Variants in RNF111 observed in about 807,000 individuals in gnomAD.
RNF111 encodes the protein ring finger protein 111, also known as E3 ubiquitin-protein ligase Arkadia.
In RNF111, 17 loss-of-function variants were observed where a neutral mutation model predicts 95.1. The ratio of observed to expected loss-of-function variants is 0.18; its 90% CI spans 0.12 to 0.27. The LOEUF is 0.27. Ranked by LOEUF, RNF111 falls within the 10% of genes least tolerant of loss-of-function variation. The pLI is 1.00. For synonymous variants in RNF111, 440 were observed against 414.8 expected (o/e 1.06, Z -0.74); for missense variants, 1,189 against 1,210.4 (o/e 0.98, Z 0.26).
intron 10 of RNF111, among the ~76,000 whole-genome samples, 191 bp from the exon 11 acceptor site, chr15:59,089,476 A>C (rs2078989115): frequency 6.6e-6 from 1 of 152,180 alleles, no homozygotes; most frequent in East Asian, 1.9e-4. Context: ...CATTTTGGAG[A>C]GTTAGGTTAT....
chr15:59,085,121 A>G (rs1346630484), intron 9 of RNF111, among the ~76,000 whole-genome samples: 3 of 152,318 alleles, frequency 2.0e-5, no homozygotes, highest in African/African-American at 4.8e-5. Flanking sequence ...TTGAACCACA[A>G]TGACTTTTGA....
intron 1 of RNF111, chr15:58,988,316 T>C (rs2141326522): frequency 6.6e-6 from 1 of 152,348 alleles, no homozygotes; most frequent in South Asian, 2.1e-4. Context: ...GTGAGGGGAT[T>C]TCTCTCCCAC....
At chr15:59,027,210 G>A (rs2040658678) in intron 1 of RNF111, among the ~76,000 whole-genome samples, 1 of 152,038 alleles carries the variant, frequency 6.6e-6, no homozygotes, top group South Asian at 2.1e-4. Context: ...TAAATCTTCA[G>A]CCCATAAAGA....
chr15:59,055,649 A>G (rs374668534), intron 3 of RNF111, 33 bp from the exon 4 acceptor site: 56 of 1,463,768 alleles, frequency 3.8e-5, no homozygotes, highest in Middle Eastern at 2.2e-4. Flanking sequence ...TTCTTTATTT[A>G]TATTTACTAA....
At chr15:58,988,441 C>T (rs1160683115) in intron 1 of RNF111, 2 of 152,512 alleles carry the variant, frequency 1.3e-5, no homozygotes, top group African/African-American at 4.8e-5. Context: ...GGCGCTAAGT[C>T]AGCCCTGACG....
chr15:59,023,465 T>C (rs2040446784), intron 1 of RNF111, among the ~76,000 whole-genome samples: 1 of 152,214 alleles, frequency 6.6e-6, no homozygotes, highest in African/African-American at 2.4e-5. Flanking sequence ...TTTGTTATTC[T>C]GTAGTATTTT....
intron 1 of RNF111, among the ~76,000 whole-genome samples, chr15:59,008,674 G>A (rs889250498): frequency 2.0e-5 from 3 of 152,148 alleles, no homozygotes; most frequent in Non-Finnish European, 4.4e-5. Flanking sequence ...AAATCTGTCA[G>A]TTTGCTGTTT....
intron 1 of RNF111, among the ~76,000 whole-genome samples, chr15:58,991,645 G>A (rs1006247423): frequency 1.3e-5 from 2 of 152,198 alleles, no homozygotes; most frequent in African/African-American, 2.4e-5. Context: ...CCATAGTGAC[G>A]ATTTGGAGGA....
Position 59,031,668 on chromosome 15 carries a change from T to C in RNF111, c.846T>C (p.Ser282=). The C allele has an allele frequency of 6.2e-7, 1 of 1,614,038 alleles. No individual in the cohort carries two copies. The highest frequency in any genetic ancestry group is 8.5e-7 in the Non-Finnish European group (1 of 1,179,992). Residue 282 remains serine (S), a synonymous_variant, in exon 2 of 14, where the codon AGT becomes AGC. Coordinates refer to ENST00000348370, the MANE Select transcript of RNF111 (RefSeq NM_017610.8). ...EGEEDLFVSA[S]ENHQNNPAVP... is the part of the protein sequence containing the mutation. ...AAGAAGATTTGTTTGTTTCTGCCAGTGAAAACCACCAAAACAATCCAGCTG... is the reference window on the plus strand; with the variant it reads ...AAGAAGATTTGTTTGTTTCTGCCAGCGAAAACCACCAAAACAATCCAGCTG...
Position 59,092,561 on chromosome 15 carries a change from G to A in RNF111, c.2764G>A (p.Gly922Arg). Residue 922 changes from glycine to arginine, a missense_variant, in exon 13 of 14, where the codon GGG becomes AGG. This residue lies in a region of RNF111 where 165 missense variants were observed against 284.6 expected (regional missense o/e 0.58). Transcript: ENST00000348370. ...KKRKLHCKQDGEEGTEEDTEE... is the reference protein window; with the variant it reads ...KKRKLHCKQDREEGTEEDTEE... ...GAGGAAACTGCACTGCAAACAAGAT[G>A]GGGAAGAAGGGACTGAGGAAGACAC... 6.2e-7 allele frequency: 1 copy of A among 1,612,742 alleles called. No homozygotes were observed. The highest frequency in any genetic ancestry group is 8.5e-7 in the Non-Finnish European group (1 of 1,179,022).
At position 59,086,096 on chromosome 15, in the gene RNF111, G is replaced by A. The variant is rs373815694; in HGVS notation, c.2550+311G>A. ...TTTTGCCGTAAGTGGTAATAGATCC[G>A]TTCTGATGCAGTCATACTTGATTTT... is the stretch of plus-strand genomic sequence containing the variant. On this transcript the variant is annotated intron_variant, in intron 10 of 13. Transcript: ENST00000348370. Among the ~76,000 whole-genome samples, 46 of 151,956 alleles carry A rather than the reference G, an allele frequency of 3.0e-4. 1 individual carries two copies. In the South Asian group the frequency reaches 9.1e-3, roughly 30 times the overall value.
chr15:59,075,541 T>A (rs2043127393), intron 6 of RNF111, among the ~76,000 whole-genome samples: 1 of 152,242 alleles, frequency 6.6e-6, no homozygotes, highest in African/African-American at 2.4e-5. Flanking sequence ...ATATTTTCAG[T>A]AGTGTGATAG....
At chr15:59,089,077 A>G (rs1182358427) in intron 10 of RNF111, among the ~76,000 whole-genome samples, 1 of 152,170 alleles carries the variant, frequency 6.6e-6, no homozygotes, top group Non-Finnish European at 1.5e-5. Flanking sequence ...ATGTTGGGCA[A>G]CTGCAATTTT....
At chr15:59,062,130 A>G (rs2042467266) in intron 5 of RNF111, among the ~76,000 whole-genome samples, 1 of 140,410 alleles carries the variant, frequency 7.1e-6, no homozygotes, top group African/African-American at 2.7e-5. Flanking sequence ...TGCAGCCTCC[A>G]CTTCCAGGCT....
At chr15:59,067,168 TC>T in intron 6 of RNF111, 85 bp downstream of exon 6, 2 of 1,102,920 alleles carry the variant, frequency 1.8e-6, no homozygotes, top group Non-Finnish European at 2.6e-6. Flanking sequence ...CTCTTCCTCT[TC>T]CTTCATTCCT....
intron 2 of RNF111, among the ~76,000 whole-genome samples, chr15:59,042,374 G>A (rs188724305): frequency 6.2e-4 from 94 of 152,112 alleles, no homozygotes; most frequent in African/African-American, 2.0e-3. Context: ...TGATCCACCC[G>A]CTCGGCCTCA....
chr15:59,043,063 A>G (rs2041541510), intron 2 of RNF111, among the ~76,000 whole-genome samples: 1 of 151,820 alleles, frequency 6.6e-6, no homozygotes, highest in Non-Finnish European at 1.5e-5. Flanking sequence ...AGAGCGTTTT[A>G]TGTTCTTTTA....
intron 1 of RNF111, among the ~76,000 whole-genome samples, chr15:59,006,192 C>T (rs1176225675): frequency 6.6e-6 from 1 of 152,138 alleles, no homozygotes; most frequent in Non-Finnish European, 1.5e-5. Context: ...ATTTTAAAAA[C>T]CAACCAAGTT....
At chr15:59,060,186 A>G (rs1271916439) in intron 5 of RNF111, among the ~76,000 whole-genome samples, 1 of 152,126 alleles carries the variant, frequency 6.6e-6, no homozygotes, top group Non-Finnish European at 1.5e-5. Flanking sequence ...TCTTTTAAAA[A>G]CATTCTCTGA....
Sources: gnomAD v4.1 joint callset for allele counts (sites outside exome capture counted in the v4.1 genomes callset) on GRCh38, gnomAD v4.1.1 for gene constraint, gnomAD v4.1.1 regional missense constraint, MANE v1.5 for transcripts, NCBI Gene and HGNC (gene_info 2026-07-23, HGNC 2026-07-21) for gene names.